Variants in SLC13A1 observed in about 807,000 individuals in gnomAD.
SLC13A1 encodes Na(+)/sulfate cotransporter.
Under a neutral mutation model 70.0 loss-of-function variants are expected in SLC13A1, and 65 were observed. That is an observed-to-expected ratio of 0.93 (90% CI 0.76 to 1.14). The LOEUF (loss-of-function observed/expected upper bound fraction) is 1.14. Among genes scored for constraint, SLC13A1 ranks in the 50% most tolerant of loss-of-function variants. The pLI is 0.00. For synonymous variants in SLC13A1, 275 were observed against 250.5 expected, an observed-to-expected ratio of 1.10 and a Z score of -0.92; for missense variants, 726 against 717.8, an observed-to-expected ratio of 1.01 and a Z score of -0.13.
intron 3 of SLC13A1, among the ~76,000 whole-genome samples, chr7:123,169,856 T>C (rs564668147): frequency 7.2e-4 from 109 of 152,328 alleles, no homozygotes; most frequent in African/African-American, 2.6e-3. Context: ...TTGTTCACTA[T>C]ACTAGTTCAG....
intron 1 of SLC13A1, among the ~76,000 whole-genome samples, chr7:123,185,204 G>A (rs1349188147): frequency 6.8e-6 from 1 of 148,098 alleles, no homozygotes; most frequent in Middle Eastern, 3.2e-3. Context: ...CAGATGAATA[G>A]TTTGCAAATA....
chr7:123,118,703 G>A (rs1053062253), intron 13 of SLC13A1, among the ~76,000 whole-genome samples: 1 of 151,988 alleles, frequency 6.6e-6, no homozygotes, highest in Admixed American at 6.6e-5. Flanking sequence ...CAGAAATTTA[G>A]GAACAATGTT....
intron 1 of SLC13A1, among the ~76,000 whole-genome samples, chr7:123,183,055 C>G (rs1795689893): frequency 6.6e-6 from 1 of 152,068 alleles, no homozygotes; most frequent in Admixed American, 6.6e-5. Context: ...ATCCCTTTCT[C>G]TGAACTCTAA....
chr7:123,130,321 C>T (rs1246131642), intron 8 of SLC13A1, among the ~76,000 whole-genome samples: 1 of 152,118 alleles, frequency 6.6e-6, no homozygotes, highest in African/African-American at 2.4e-5. Flanking sequence ...ACCCAAATTC[C>T]CATCAATGAT....
At chr7:123,183,845 T>A (rs1585397028) in intron 1 of SLC13A1, among the ~76,000 whole-genome samples, 1 of 152,294 alleles carries the variant, frequency 6.6e-6, no homozygotes, top group Middle Eastern at 3.4e-3. Flanking sequence ...CTAAGCTGAA[T>A]CCCTGGATTC....
intron 12 of SLC13A1, among the ~76,000 whole-genome samples, chr7:123,122,253 A>G (rs1793406776): frequency 6.6e-6 from 1 of 152,148 alleles, no homozygotes; most frequent in Admixed American, 6.6e-5. Flanking sequence ...CTTGAGTAGT[A>G]TAGAAATTTA....
At chr7:123,163,836 G>T (rs959162989) in intron 6 of SLC13A1, among the ~76,000 whole-genome samples, 1 of 151,874 alleles carries the variant, frequency 6.6e-6, no homozygotes, top group Admixed American at 6.6e-5. Flanking sequence ...GAAACTTAGT[G>T]TAGTTTATAT....
At chr7:123,143,719 A>T (rs939204660) in intron 7 of SLC13A1, among the ~76,000 whole-genome samples, 3 of 152,130 alleles carry the variant, frequency 2.0e-5, no homozygotes, top group Non-Finnish European at 4.4e-5. Context: ...GGTCCTTATG[A>T]AGGTGCTTTT....
chr7:123,196,310 T>C (rs1796177811), intron 1 of SLC13A1, among the ~76,000 whole-genome samples: 1 of 152,136 alleles, frequency 6.6e-6, no homozygotes, highest in Non-Finnish European at 1.5e-5. Flanking sequence ...AAAGAATTTC[T>C]GATGCTCAGT....
intron 7 of SLC13A1, among the ~76,000 whole-genome samples, chr7:123,140,064 A>G (rs532544678): frequency 6.7e-6 from 1 of 148,568 alleles, no homozygotes; most frequent in Non-Finnish European, 1.5e-5. Flanking sequence ...TATCTGTCGT[A>G]TACAGCTTCT....
At position 123,181,056 on chromosome 7, in the gene SLC13A1, G is replaced by T. The variant is rs1352083140; in HGVS notation, c.145C>A (p.Leu49Ile). The T allele has an allele frequency of 6.2e-7, 1 of 1,612,718 alleles. No homozygotes were observed. Among genetic ancestry groups the T allele is most frequent in the Admixed American group, 1.7e-5 (1 of 59,860 alleles). Residue 49 changes from leucine (L) to isoleucine (I), a missense_variant, in exon 2 of 15, where the codon CTC becomes ATC. By Grantham distance (5) the Leu-to-Ile change is conservative (BLOSUM62 2). Transcript: ENST00000194130. The stretch of plus-strand genomic sequence containing the variant: ...ACCGACAGAGGCAATGCTTCTGTGA[G>T]CCAAAATGTGGCGACCACAAAGAGT... Reference protein sequence around the residue: ...YTLFVVATFWLTEALPLSVTA... With the variant: ...YTLFVVATFWITEALPLSVTA...
chr7:123,187,947 G>A (rs1795864567), intron 1 of SLC13A1, among the ~76,000 whole-genome samples: 2 of 152,230 alleles, frequency 1.3e-5, no homozygotes, highest in Admixed American at 6.5e-5. Context: ...GAGAAAACTA[G>A]CATCAGAACT....
intron 7 of SLC13A1, among the ~76,000 whole-genome samples, chr7:123,136,361 T>C (rs769882574): frequency 8.5e-5 from 13 of 152,222 alleles, no homozygotes; most frequent in South Asian, 2.1e-4. Flanking sequence ...CATGGGACTA[T>C]GCCTCTATAA....
intron 1 of SLC13A1, among the ~76,000 whole-genome samples, chr7:123,194,917 T>C (rs933961562): frequency 1.3e-5 from 2 of 152,118 alleles, no homozygotes; most frequent in Non-Finnish European, 2.9e-5. Context: ...GAATCCTTAG[T>C]GGTTTATCCA....
intron 7 of SLC13A1, among the ~76,000 whole-genome samples, chr7:123,146,942 A>T (rs1794374482): frequency 1.3e-5 from 2 of 152,192 alleles, no homozygotes; most frequent in African/African-American, 4.8e-5. Flanking sequence ...CTCTGAGCTG[A>T]CCTGGGAAAT....
intron 1 of SLC13A1, among the ~76,000 whole-genome samples, chr7:123,197,901 T>C (rs1196367054): frequency 1.3e-5 from 2 of 152,270 alleles, no homozygotes; most frequent in Non-Finnish European, 2.9e-5. Context: ...TATATTCATT[T>C]CTCAGAAAAT....
chr7:123,144,544 G>A (rs1794283171), intron 7 of SLC13A1, among the ~76,000 whole-genome samples: 1 of 152,164 alleles, frequency 6.6e-6, no homozygotes, highest in South Asian at 2.1e-4. Context: ...CCCAGGAGGA[G>A]TTTAAAACAC....
chr7:123,125,437 A>G (rs1187353175), intron 11 of SLC13A1, 132 bp downstream of exon 11: 3 of 639,178 alleles, frequency 4.7e-6, no homozygotes, highest in Non-Finnish European at 8.3e-6. Context: ...CAGTTTGCAA[A>G]TAGGGCATGC....
chr7:123,159,417 C>T (rs1270352191), intron 6 of SLC13A1, among the ~76,000 whole-genome samples: 1 of 152,144 alleles, frequency 6.6e-6, no homozygotes, highest in African/African-American at 2.4e-5. Flanking sequence ...ACAGAGAAAA[C>T]ATCACGTGAG....
Sources: allele counts gnomAD v4.1 joint callset (sites outside exome capture counted in the v4.1 genomes callset), GRCh38; gene constraint gnomAD v4.1.1; transcripts MANE v1.5; gene names NCBI Gene and HGNC (gene_info 2026-07-23, HGNC 2026-07-21).